IQCM: variants seen among roughly 807,000 people sequenced by gnomAD.
IQCM encodes IQ motif containing M.
IQCM carries 45 observed loss-of-function variants against 57.6 expected under a neutral mutation model. The ratio of observed to expected loss-of-function variants is 0.78; its 90% CI spans 0.62 to 1.00. The LOEUF (loss-of-function observed/expected upper bound fraction) is 1.00. IQCM is among the 50% of genes least tolerant of loss of function. The pLI, the probability that IQCM is intolerant of heterozygous loss-of-function variation, is 0.00. For synonymous variants in IQCM, 148 were observed against 158.9 expected, an observed-to-expected ratio of 0.93 and a Z score of 0.51; for missense variants, 468 against 511.6, an observed-to-expected ratio of 0.91 and a Z score of 0.82.
At chr4:149,612,544 A>T (rs1292832692) in intron 8 of IQCM, among the ~76,000 whole-genome samples, 1 of 152,142 alleles carries the variant, frequency 6.6e-6, no homozygotes, top group Non-Finnish European at 1.5e-5. Context: ...CAAAGAAATG[A>T]AATGACTTGT....
intron 8 of IQCM, among the ~76,000 whole-genome samples, chr4:149,602,907 A>G (rs1247510665): frequency 6.6e-6 from 1 of 152,112 alleles, no homozygotes. Context: ...AGGGCAATTT[A>G]ACCATATATA....
chr4:149,442,953 CAGAGAGAGAGAGAGAG>C lies in IQCM; in HGVS notation c.1229-9412_1229-9397del, dbSNP rs56890715. Among the ~76,000 whole-genome samples the C allele has an allele frequency of 3.7e-3, 364 of 98,068 alleles. 3 individuals are homozygous for C. Among genetic ancestry groups the C allele is most frequent in the Non-Finnish European group, 6.7e-3 (297 of 44,472 alleles). The allele number at this position is 98,068 out of a possible 152,430, so 64.3% of individuals were successfully genotyped here. ...ACACACACACACACACACACACACA[CAGAGAGAGAGAGAGAG>C]AGAGAGAGAGAGAGAGAGAGAGAGA... On this transcript the variant is annotated intron_variant, in intron 12 of 13. Transcript: ENST00000636793.
chr4:149,682,666 T>C (rs976655670), intron 6 of IQCM, among the ~76,000 whole-genome samples: 1 of 151,216 alleles, frequency 6.6e-6, no homozygotes, highest in Non-Finnish European at 1.5e-5. Flanking sequence ...CTTATTACCC[T>C]GATATTTTAG....
At chr4:149,552,024 T>C (rs923553319) in intron 11 of IQCM, among the ~76,000 whole-genome samples, 1 of 152,182 alleles carries the variant, frequency 6.6e-6, no homozygotes, top group Non-Finnish European at 1.5e-5. Flanking sequence ...CTCTGACTTA[T>C]ATAAAACAAT....
chr4:149,630,582 A>T (rs1757179512), intron 7 of IQCM, among the ~76,000 whole-genome samples: 1 of 152,180 alleles, frequency 6.6e-6, no homozygotes, highest in Non-Finnish European at 1.5e-5. Context: ...AAAAATAAGA[A>T]TTATTCCAAG....
chr4:149,659,854 G>T (rs984463127), intron 7 of IQCM, among the ~76,000 whole-genome samples: 6 of 151,422 alleles, frequency 4.0e-5, no homozygotes, highest in Admixed American at 4.0e-4. Flanking sequence ...AGACTTAAAC[G>T]TTAGACCTAA....
chr4:149,657,964 AT>A (rs1759784517), intron 7 of IQCM, among the ~76,000 whole-genome samples: 2 of 151,492 alleles, frequency 1.3e-5, no homozygotes, highest in East Asian at 3.9e-4. Flanking sequence ...TTATGCTATT[AT>A]TTTGTTTGTT....
At chr4:149,723,267 A>T (rs530330061) in intron 5 of IQCM, among the ~76,000 whole-genome samples, 1 of 151,968 alleles carries the variant, frequency 6.6e-6, no homozygotes, top group Non-Finnish European at 1.5e-5. Flanking sequence ...TCTAATTTGG[A>T]TGCGTCTTAT....
At chr4:149,651,656 A>G (rs762776535) in intron 7 of IQCM, among the ~76,000 whole-genome samples, 25 of 152,188 alleles carry the variant, frequency 1.6e-4, no homozygotes, top group Non-Finnish European at 1.2e-4. Flanking sequence ...ATAAAAAGAT[A>G]TGACTGATGA....
intron 9 of IQCM, among the ~76,000 whole-genome samples, chr4:149,575,578 A>G (rs1307787394): frequency 6.6e-6 from 1 of 151,788 alleles, no homozygotes; most frequent in Non-Finnish European, 1.5e-5. Context: ...TTGTACCCCA[A>G]TCATTCCTCA....
rs142465623 is a variant in IQCM, at chr4:149,784,550, G to A, written c.-49+30761C>T. On this transcript the variant is annotated intron_variant, in intron 2 of 13. Coordinates refer to ENST00000636793, the MANE Select transcript of IQCM (RefSeq NM_001363507.2). ...CCTGCCTCAGCCTCCCGAGTAGCTG[G>A]GACTACAGGTGCCCGCCACTGCGCC... Among the ~76,000 whole-genome samples, 205 of 152,230 alleles carry A rather than the reference G, an allele frequency of 1.3e-3. 1 individual carries two copies. Among genetic ancestry groups the A allele is most frequent in the African/African-American group, 3.6e-3 (148 of 41,558 alleles).
At chr4:149,474,253 T>C (rs1183779645) in intron 12 of IQCM, among the ~76,000 whole-genome samples, 1 of 151,118 alleles carries the variant, frequency 6.6e-6, no homozygotes, top group Non-Finnish European at 1.5e-5. Flanking sequence ...GAGAGGACTA[T>C]AAAATAAAGT....
intron 13 of IQCM, among the ~76,000 whole-genome samples, chr4:149,394,456 A>G (rs961419233): frequency 1.3e-5 from 2 of 151,976 alleles, no homozygotes; most frequent in Admixed American, 1.3e-4. Flanking sequence ...TCATTATATT[A>G]TTGATTTCCA....
intron 2 of IQCM, among the ~76,000 whole-genome samples, chr4:149,751,883 G>A (rs577444398): frequency 4.6e-5 from 7 of 152,210 alleles, no homozygotes; most frequent in Non-Finnish European, 7.4e-5. Context: ...GAAGGATGGC[G>A]AGTGCCTCAA....
At chr4:149,499,289 A>G (rs1280565747) in intron 12 of IQCM, among the ~76,000 whole-genome samples, 1 of 152,192 alleles carries the variant, frequency 6.6e-6, no homozygotes, top group African/African-American at 2.4e-5. Flanking sequence ...TTAAAAATAT[A>G]CATGCATGTG....
At position 149,426,238 on chromosome 4, in the gene IQCM, C is replaced by A. The variant is rs540538243; in HGVS notation, c.1390+7158G>T. 7.1e-4 allele frequency among the ~76,000 whole-genome samples: 108 copies of A among 152,080 alleles called. 1 individual carries two copies. On this transcript the variant is annotated intron_variant, in intron 13 of 13. Coordinates refer to ENST00000636793, the MANE Select transcript of IQCM (RefSeq NM_001363507.2). ...ACTTAGTAAACACACTTCTGAAAGCCAACCAGTCAGTGGGAGTTCCTGGTT... is the reference window on the plus strand; with the variant it reads ...ACTTAGTAAACACACTTCTGAAAGCAAACCAGTCAGTGGGAGTTCCTGGTT...
At chr4:149,413,693 C>T (rs1323903535) in intron 13 of IQCM, among the ~76,000 whole-genome samples, 5 of 152,280 alleles carry the variant, frequency 3.3e-5, no homozygotes, top group African/African-American at 1.2e-4. Context: ...CCATGTTTCT[C>T]TGTTTTTGAA....
chr4:149,666,799 C>A (rs568775040), intron 7 of IQCM, among the ~76,000 whole-genome samples: 9 of 152,050 alleles, frequency 5.9e-5, no homozygotes, highest in Non-Finnish European at 1.2e-4. Flanking sequence ...ACAGTGTAAA[C>A]AAAGCTGCCC....
intron 12 of IQCM, among the ~76,000 whole-genome samples, chr4:149,472,450 C>G: frequency 6.6e-6 from 1 of 152,180 alleles, no homozygotes; most frequent in African/African-American, 2.4e-5. Context: ...AACTACAAAC[C>G]ACTGCCCAAC....
Sources: allele counts gnomAD v4.1 joint callset (sites outside exome capture counted in the v4.1 genomes callset), GRCh38; gene constraint gnomAD v4.1.1; transcripts MANE v1.5; gene names NCBI Gene and HGNC (gene_info 2026-07-23, HGNC 2026-07-21).